The following IGSF23 variants were observed in gnomAD, a reference collection of about 807,000 sequenced individuals.
IGSF23 encodes the protein immunoglobulin superfamily member 23.
In IGSF23, 14 loss-of-function variants were observed where a neutral mutation model predicts 17.8. The observed-to-expected ratio is 0.79, with a 90% confidence interval of 0.52 to 1.23. The LOEUF (loss-of-function observed/expected upper bound fraction) is 1.23, where lower values mean the gene tolerates loss of function less well. Among genes scored for constraint, IGSF23 ranks in the 50% most tolerant of loss-of-function variants. IGSF23 has a pLI of 0.00. For synonymous variants in IGSF23, 85 were observed against 92.5 expected (o/e 0.92, Z 0.46); for missense variants, 214 against 241.7 (o/e 0.89, Z 0.76).
chr19:44,624,955 T>C (rs1384281061), intron 2 of IGSF23, among the ~76,000 whole-genome samples: 1 of 149,476 alleles, frequency 6.7e-6, no homozygotes, highest in African/African-American at 2.5e-5. Flanking sequence ...TAATGCCACC[T>C]GTAGTCCCAG....
chr19:44,625,862 C>T (rs929092669), intron 2 of IGSF23, among the ~76,000 whole-genome samples: 16 of 152,080 alleles, frequency 1.1e-4, no homozygotes, highest in Admixed American at 8.5e-4. Context: ...ATAAGTCTCA[C>T]GAGTTCTGAT....
chr19:44,619,101 G>A (rs1429157873), intron 1 of IGSF23, among the ~76,000 whole-genome samples: 1 of 152,112 alleles, frequency 6.6e-6, no homozygotes, highest in Non-Finnish European at 1.5e-5. Context: ...CATAGCGAAG[G>A]CAAAGGAGGA....
chr19:44,626,090 G>C (rs1423075662), intron 2 of IGSF23, among the ~76,000 whole-genome samples: 3 of 152,128 alleles, frequency 2.0e-5, no homozygotes, highest in African/African-American at 7.2e-5. Flanking sequence ...GAGTGAACTA[G>C]AGGTATGCAG....
rs1260171343 is a variant in IGSF23 at position 44,614,004 on chromosome 19, C to G, written c.125+234C>G. On this transcript the variant is annotated intron_variant, in intron 1 of 4. Coordinates refer to ENST00000402988, the MANE Select transcript of IGSF23 (RefSeq NM_001205280.2). ...CTGCTTTTAACAGGTGCGTTGGAGA[C>G]AGCGGCTTCACCACGGGCCAGGGAC... 6.6e-6 allele frequency: 10 copies of G among 1,508,402 alleles called. No individual in the cohort carries two copies. In the African/African-American group the frequency reaches 1.4e-4, roughly 21 times the overall value. The allele number at this position is 1,508,402 out of a possible 1,614,324, so 93.4% of individuals were successfully genotyped here.
intron 1 of IGSF23, among the ~76,000 whole-genome samples, chr19:44,614,657 C>G (rs993756435): frequency 6.6e-6 from 1 of 152,056 alleles, no homozygotes; most frequent in African/African-American, 2.4e-5. Flanking sequence ...GTCTCGAACT[C>G]CTGGGCTCAA....
At chr19:44,627,611 C>T in intron 3 of IGSF23, 38 bp downstream of exon 3, 1 of 1,522,834 alleles carries the variant, frequency 6.6e-7, no homozygotes, top group Non-Finnish European at 8.9e-7. Flanking sequence ...TGGGCAACAT[C>T]CACTCAGCCC....
intron 1 of IGSF23, among the ~76,000 whole-genome samples, chr19:44,621,444 T>C (rs1307375581): frequency 6.7e-6 from 1 of 149,702 alleles, no homozygotes; most frequent in African/African-American, 2.5e-5. Context: ...AGCCCGGGAG[T>C]TCAAGACCAG....
At chr19:44,614,786 C>CT (rs1972332891) in intron 1 of IGSF23, among the ~76,000 whole-genome samples, 1 of 152,072 alleles carries the variant, frequency 6.6e-6, no homozygotes, top group Admixed American at 6.5e-5. Context: ...TATCACAACT[C>CT]TTTGAGATCA....
chr19:44,631,771 C>T (rs745680787), intron 3 of IGSF23, among the ~76,000 whole-genome samples: 2 of 152,196 alleles, frequency 1.3e-5, no homozygotes, highest in African/African-American at 4.8e-5. Flanking sequence ...AGGAGCATGT[C>T]CTTAAGGCAC....
At chr19:44,618,791 C>G (rs1246142081) in intron 1 of IGSF23, among the ~76,000 whole-genome samples, 1 of 152,150 alleles carries the variant, frequency 6.6e-6, no homozygotes, top group Admixed American at 6.6e-5. Context: ...AGGCTCAAAA[C>G]TGACCACCAT....
chr19:44,618,489 C>G (rs1320166450), intron 1 of IGSF23, among the ~76,000 whole-genome samples: 13 of 152,206 alleles, frequency 8.5e-5, no homozygotes, highest in Admixed American at 7.9e-4. Context: ...AAGAGCCCAC[C>G]AGGACACTTT....
intron 2 of IGSF23, 127 bp downstream of exon 2, chr19:44,624,099 C>T (rs749982834): frequency 1.3e-6 from 1 of 758,816 alleles, no homozygotes; most frequent in Non-Finnish European, 2.1e-6. Flanking sequence ...CCTTTATAGG[C>T]AAAATGTCAT....
intron 2 of IGSF23, among the ~76,000 whole-genome samples, chr19:44,624,241 C>T (rs930794442): frequency 1.3e-5 from 2 of 149,912 alleles, no homozygotes; most frequent in Non-Finnish European, 3.0e-5. Flanking sequence ...CCTCCTCCTC[C>T]TTCTTCTTCC....
intron 1 of IGSF23, chr19:44,614,085 C>A: frequency 9.2e-7 from 1 of 1,082,504 alleles, no homozygotes; most frequent in Non-Finnish European, 1.3e-6. Flanking sequence ...AGCTTTGACC[C>A]TGTCAGTTTG....
In IGSF23 at chr19:44,636,723, A is replaced by G. The variant is rs546621236; in HGVS notation, c.*336A>G. On this transcript the variant is annotated 3_prime_UTR_variant, in exon 5 of 5. Coordinates refer to ENST00000402988, the MANE Select transcript of IGSF23 (RefSeq NM_001205280.2). ...AGACCCCAAAATATGTCTTTTACAC[A>G]TGCTGCTTTTTTTTTCTCTTTTTCA... 1.3e-5 allele frequency: 2 copies of G among 152,288 alleles called. No homozygotes were observed. Among genetic ancestry groups the G allele is most frequent in the South Asian group, 2.1e-4 (1 of 4,830 alleles). 9.4% of individuals were successfully genotyped at this position (152,288 alleles called of 1,614,324 possible).
chr19:44,624,236 TC>T (rs1972588195), intron 2 of IGSF23, among the ~76,000 whole-genome samples: 1 of 151,204 alleles, frequency 6.6e-6, no homozygotes, highest in South Asian at 2.1e-4. Flanking sequence ...CTCCTCCTCC[TC>T]CTCCTTCTTC....
At chr19:44,632,542 G>T (rs1972791881) in intron 3 of IGSF23, 2 of 154,768 alleles carry the variant, frequency 1.3e-5, no homozygotes, top group Admixed American at 1.3e-4. Context: ...GATCCTCCCG[G>T]AGTCTCTTCC....
At chr19:44,624,756 A>G (rs934096764) in intron 2 of IGSF23, among the ~76,000 whole-genome samples, 1 of 151,974 alleles carries the variant, frequency 6.6e-6, no homozygotes, top group African/African-American at 2.4e-5. Context: ...CCTACAAAAA[A>G]TGCAGATCAA....
intron 3 of IGSF23, among the ~76,000 whole-genome samples, chr19:44,628,452 T>C (rs980799495): frequency 2.0e-5 from 3 of 152,020 alleles, no homozygotes; most frequent in Non-Finnish European, 2.9e-5. Flanking sequence ...GAAATATAGA[T>C]AGTATATTGG....
Sources: allele counts gnomAD v4.1 joint callset (sites outside exome capture counted in the v4.1 genomes callset), GRCh38; gene constraint gnomAD v4.1.1; transcripts MANE v1.5; gene names NCBI Gene and HGNC (gene_info 2026-07-23, HGNC 2026-07-21).